The following CADM2 variants were observed in gnomAD, a reference collection of about 807,000 sequenced individuals.
CADM2 encodes cell adhesion molecule 2.
Under a neutral mutation model 49.8 loss-of-function variants are expected in CADM2, and 12 were observed. The ratio of observed to expected loss-of-function variants is 0.24; its 90% CI spans 0.15 to 0.39. The LOEUF is 0.39. Ranked by LOEUF, CADM2 falls within the 10% of genes least tolerant of loss-of-function variation. The probability of loss-of-function intolerance (pLI) is 1.00; values close to 1 mark genes in which losing one functional copy is unlikely to be tolerated. For synonymous variants in CADM2, 214 were observed against 175.4 expected, an observed-to-expected ratio of 1.22 and a Z score of -1.74; for missense variants, 378 against 492.3, an observed-to-expected ratio of 0.77 and a Z score of 2.20.
chr3:85,893,874 T>C (rs1714825622), intron 5 of CADM2, among the ~76,000 whole-genome samples: 1 of 152,072 alleles, frequency 6.6e-6, no homozygotes, highest in Non-Finnish European at 1.5e-5. Flanking sequence ...TGTGGAGAAA[T>C]AGGAACACTT....
intron 1 of CADM2, among the ~76,000 whole-genome samples, chr3:85,541,662 C>A (rs2061540186): frequency 6.8e-6 from 1 of 146,186 alleles, no homozygotes; most frequent in Admixed American, 7.0e-5. Context: ...GCAACACTAA[C>A]AACAAAATCT....
intron 6 of CADM2, among the ~76,000 whole-genome samples, chr3:85,921,709 G>T (rs775521296): frequency 5.9e-5 from 9 of 151,876 alleles, no homozygotes; most frequent in Non-Finnish European, 1.0e-4. Context: ...GCATTGTGTA[G>T]TTCTATGGGT....
chr3:85,203,377 A>T (rs2041556683), intron 1 of CADM2, among the ~76,000 whole-genome samples: 1 of 152,106 alleles, frequency 6.6e-6, no homozygotes, highest in Admixed American at 6.6e-5. Context: ...GGGAAGCTGA[A>T]GGAGGAGAGA....
intron 1 of CADM2, among the ~76,000 whole-genome samples, chr3:85,047,536 A>G (rs2035714369): frequency 6.6e-6 from 1 of 152,210 alleles, no homozygotes; most frequent in African/African-American, 2.4e-5. Context: ...ATGGGAGAGA[A>G]GATCACAAAA....
intron 2 of CADM2, among the ~76,000 whole-genome samples, chr3:85,791,548 G>T (rs199958373): frequency 2.6e-4 from 36 of 138,130 alleles, no homozygotes; most frequent in Non-Finnish European, 2.8e-4. Context: ...GAGAGAAAGA[G>T]AGAGAGAGAG....
At position 86,014,440 on chromosome 3, in the gene CADM2, G is replaced by C. The variant is rs1165515078; in HGVS notation, c.971-51165G>C. 5 of 1,488,384 alleles carry C rather than the reference G, an allele frequency of 3.4e-6. No homozygotes were observed. The African/African-American group carries it at 7.0e-5, about 21-fold the overall frequency. The allele number at this position is 1,488,384 out of a possible 1,614,324, so 92.2% of individuals were successfully genotyped here. Reference sequence around the variant, plus strand: ...AATATTGAAGTTTATCATGAATTTTGGTTTGAGGAAGCCACAAATTTGGTA... The same window carrying C: ...AATATTGAAGTTTATCATGAATTTTCGTTTGAGGAAGCCACAAATTTGGTA... On this transcript the variant is annotated intron_variant, in intron 8 of 9. Coordinates refer to ENST00000383699, the MANE Select transcript of CADM2 (RefSeq NM_001167675.2).
chr3:85,455,547 G>GA (rs2037950709), intron 1 of CADM2, among the ~76,000 whole-genome samples: 1 of 152,164 alleles, frequency 6.6e-6, no homozygotes, highest in East Asian at 1.9e-4. Flanking sequence ...GATAGCATGG[G>GA]AAAAATATGC....
At chr3:85,647,562 T>C (rs2064925163) in intron 1 of CADM2, among the ~76,000 whole-genome samples, 1 of 151,744 alleles carries the variant, frequency 6.6e-6, no homozygotes, top group Non-Finnish European at 1.5e-5. Flanking sequence ...GCATAGAGAG[T>C]GTTTTTGTGA....
intron 1 of CADM2, among the ~76,000 whole-genome samples, chr3:85,201,307 A>C (rs940543818): frequency 2.0e-5 from 3 of 152,228 alleles, no homozygotes; most frequent in Non-Finnish European, 4.4e-5. Context: ...TGCTTACACT[A>C]TACTGTAGTC....
chr3:85,839,228 A>AT (rs1164146921), intron 3 of CADM2, among the ~76,000 whole-genome samples: 1 of 151,598 alleles, frequency 6.6e-6, no homozygotes, highest in Non-Finnish European at 1.5e-5. Context: ...AGCTGCTCCG[A>AT]TTTTTTTCCC....
chr3:86,039,304 A>T (rs1361208101), intron 8 of CADM2, among the ~76,000 whole-genome samples: 1 of 92,514 alleles, frequency 1.1e-5, no homozygotes, highest in Non-Finnish European at 2.0e-5. Context: ...GGGTCAGGGA[A>T]TTCCTAGTCA....
chr3:85,058,415 T>C (rs2036175407), intron 1 of CADM2, among the ~76,000 whole-genome samples: 1 of 152,074 alleles, frequency 6.6e-6, no homozygotes, highest in African/African-American at 2.4e-5. Flanking sequence ...ATTTTTGTTG[T>C]TGTTGTTGTT....
chr3:84,962,284 AAAAG>A lies in CADM2; in HGVS notation c.61+2626_61+2629del, dbSNP rs1257410744. On this transcript the variant is annotated intron_variant, in intron 1 of 9. Coordinates refer to ENST00000383699, the MANE Select transcript of CADM2 (RefSeq NM_001167675.2). ...GAGATACGAGGATTTAAAAAAAAAA[AAAAG>A]AAAGAAAGAGGAGGGGGCACAAAGC... Among the ~76,000 whole-genome samples the A allele has an allele frequency of 2.6e-4, 39 of 152,020 alleles. 1 individual carries two copies. Among genetic ancestry groups the A allele is most frequent in the African/African-American group, 7.0e-4 (29 of 41,504 alleles).
chr3:86,049,105 G>A (rs1022658182), intron 8 of CADM2, among the ~76,000 whole-genome samples: 11 of 151,820 alleles, frequency 7.2e-5, no homozygotes, highest in Admixed American at 5.9e-4. Flanking sequence ...TCTTCCATAT[G>A]CAAAGTTAAA....
chr3:85,693,106 G>A (rs1173643670), intron 1 of CADM2, among the ~76,000 whole-genome samples: 2 of 151,880 alleles, frequency 1.3e-5, no homozygotes, highest in Admixed American at 6.6e-5. Flanking sequence ...AAAATTAGCC[G>A]GGCGTGGTGG....
At chr3:85,563,621 T>C (rs1354056996) in intron 1 of CADM2, among the ~76,000 whole-genome samples, 1 of 152,138 alleles carries the variant, frequency 6.6e-6, no homozygotes, top group Admixed American at 6.6e-5. Context: ...TAATGGTAGT[T>C]ATCATTTTCC....
chr3:85,815,515 T>G (rs1431508326), intron 3 of CADM2, among the ~76,000 whole-genome samples: 2 of 152,082 alleles, frequency 1.3e-5, no homozygotes, highest in East Asian at 3.9e-4. Flanking sequence ...TCTCAATAGA[T>G]GCAAAAAAGG....
intron 1 of CADM2, among the ~76,000 whole-genome samples, chr3:85,366,368 G>A (rs766853757): frequency 6.6e-6 from 1 of 152,250 alleles, no homozygotes; most frequent in Non-Finnish European, 1.5e-5. Context: ...TTTCTCTTGG[G>A]TGAAACTGCA....
At chr3:85,652,219 C>A (rs1052310629) in intron 1 of CADM2, among the ~76,000 whole-genome samples, 2 of 151,974 alleles carry the variant, frequency 1.3e-5, no homozygotes, top group Non-Finnish European at 2.9e-5. Flanking sequence ...TCCTTTATAC[C>A]ATGTTCTTAT....
Sources: allele counts gnomAD v4.1 joint callset (sites outside exome capture counted in the v4.1 genomes callset), GRCh38; gene constraint gnomAD v4.1.1; transcripts MANE v1.5; gene names NCBI Gene and HGNC (gene_info 2026-07-23, HGNC 2026-07-21).